GOLGA8B: variants seen among roughly 807,000 people sequenced by gnomAD.
The protein encoded by GOLGA8B is golgin subfamily A member 8B.
Under a neutral mutation model 15.6 loss-of-function variants are expected in GOLGA8B, and 1 was observed. The ratio of observed to expected loss-of-function variants is 0.06; its 90% CI spans 0.02 to 0.30. The LOEUF (loss-of-function observed/expected upper bound fraction) is 0.30. Among genes scored for constraint, GOLGA8B ranks in the 10% least tolerant of loss-of-function variants. The pLI is 1.00. For synonymous variants in GOLGA8B, 9 were observed against 80.3 expected, an observed-to-expected ratio of 0.11 and a Z score of 4.75; for missense variants, 17 against 201.3, an observed-to-expected ratio of 0.08 and a Z score of 5.54.
At chr15:34,571,615 T>TAA (rs541199491) in intron 1 of GOLGA8B, among the ~76,000 whole-genome samples, 5 of 123,082 alleles carry the variant, frequency 4.1e-5, no homozygotes, top group African/African-American at 6.1e-5. Flanking sequence ...TGGAATCGTA[T>TAA]AAAAAAAAAA....
intron 6 of GOLGA8B, among the ~76,000 whole-genome samples, 158 bp downstream of exon 6, chr15:34,545,220 T>C (rs1270333999): frequency 2.7e-5 from 3 of 112,808 alleles, no homozygotes; most frequent in Non-Finnish European, 5.2e-5. Context: ...CCAAGTACAG[T>C]GTCATTTTAC....
chr15:34,549,948 AT>A (rs536209110), intron 4 of GOLGA8B, among the ~76,000 whole-genome samples: 790 of 35,924 alleles, frequency 0.022, 103 homozygotes, highest in African/African-American at 0.097. Flanking sequence ...GTACAGTAAC[AT>A]TATTTCAAAT....
At chr15:34,573,922 G>T (rs1325394807) in intron 1 of GOLGA8B, among the ~76,000 whole-genome samples, 1 of 151,194 alleles carries the variant, frequency 6.6e-6, no homozygotes, top group Admixed American at 6.6e-5. Context: ...ACTGGGGGAG[G>T]GCTTGGTTTC....
chr15:34,556,914 A>G (rs1233758900), intron 1 of GOLGA8B: 28 of 896,404 alleles, frequency 3.1e-5, no homozygotes, highest in African/African-American at 2.3e-4. Context: ...GGAGGTGGGC[A>G]GTACTGGGTG....
At chr15:34,549,246 T>G (rs984492044) in intron 4 of GOLGA8B, among the ~76,000 whole-genome samples, 2 of 98,346 alleles carry the variant, frequency 2.0e-5, no homozygotes, top group African/African-American at 6.9e-5. Flanking sequence ...AAATGAAGCA[T>G]TATGAAGTTT....
At chr15:34,563,961 G>A (rs1888688961) in intron 1 of GOLGA8B, among the ~76,000 whole-genome samples, 1 of 136,990 alleles carries the variant, frequency 7.3e-6, no homozygotes, top group Non-Finnish European at 1.7e-5. Flanking sequence ...CGTACCAATG[G>A]TATGCAGGGC....
At chr15:34,574,330 A>T (rs1354740164) in intron 1 of GOLGA8B, among the ~76,000 whole-genome samples, 2 of 150,146 alleles carry the variant, frequency 1.3e-5, no homozygotes, top group Non-Finnish European at 3.0e-5. Flanking sequence ...GAGAGAGAGA[A>T]GTTCTCGCTC....
intron 1 of GOLGA8B, 46 bp downstream of exon 1, chr15:34,583,470 G>A (rs908568643): frequency 2.0e-5 from 3 of 151,460 alleles, no homozygotes; most frequent in Non-Finnish European, 4.4e-5. Context: ...GGCGGCCCCA[G>A]GTTGCCGCCG....
chr15:34,582,928 C>T (rs1304758931), intron 1 of GOLGA8B: 3 of 152,288 alleles, frequency 2.0e-5, no homozygotes, highest in Non-Finnish European at 4.4e-5. Flanking sequence ...CGGCGTGCCT[C>T]CAACCCGGCG....
At chr15:34,566,449 T>C (rs1234562078) in intron 1 of GOLGA8B, 2 of 143,630 alleles carry the variant, frequency 1.4e-5, no homozygotes, top group African/African-American at 5.0e-5. Context: ...TCCCAGAAGT[T>C]TTCCTCCATC....
chr15:34,569,942 G>A (rs1333785149), intron 1 of GOLGA8B, among the ~76,000 whole-genome samples: 1 of 152,130 alleles, frequency 6.6e-6, no homozygotes. Flanking sequence ...TTGGTGGCAC[G>A]GGCAGCATCT....
intron 1 of GOLGA8B, among the ~76,000 whole-genome samples, chr15:34,557,713 G>T: frequency 1.1e-5 from 1 of 93,282 alleles, no homozygotes; most frequent in East Asian, 2.7e-4. Context: ...GTTTGGAATG[G>T]AAATCATATT....
chr15:34,580,140 T>A (rs74194262), intron 1 of GOLGA8B, among the ~76,000 whole-genome samples: 130 of 149,094 alleles, frequency 8.7e-4, no homozygotes, highest in Middle Eastern at 3.5e-3. Flanking sequence ...GACCAAGGGA[T>A]AAGACGAAAG....
chr15:34,572,907 T>C (rs965865736), intron 1 of GOLGA8B, among the ~76,000 whole-genome samples: 1 of 152,172 alleles, frequency 6.6e-6, no homozygotes. Flanking sequence ...AATGGCAGCT[T>C]TCTTCTCCAG....
In GOLGA8B at chr15:34,526,977, C is replaced by G. The variant is rs1435617214; in HGVS notation, c.*655G>C. 3 of 161,438 alleles carry G rather than the reference C, an allele frequency of 1.9e-5. No individual in the cohort carries two copies. The highest frequency in any genetic ancestry group is 4.0e-5 in the Non-Finnish European group (3 of 75,470). The allele number at this position is 161,438 out of a possible 1,614,324, so 10.0% of individuals were successfully genotyped here. On this transcript the variant is annotated 3_prime_UTR_variant, in exon 24 of 24. Transcript: ENST00000683415. The stretch of plus-strand genomic sequence containing the variant: ...TGTATCCTGCACATACCTGCCAGAG[C>G]AGGCCACTTTCCTCTTCTGCGAGAT...
intron 1 of GOLGA8B, among the ~76,000 whole-genome samples, chr15:34,568,043 C>T (rs992488367): frequency 2.8e-4 from 42 of 150,716 alleles, no homozygotes; most frequent in Non-Finnish European, 4.7e-4. Flanking sequence ...CACCAATTCC[C>T]GGGTGTCAGA....
chr15:34,556,934 T>C, intron 1 of GOLGA8B: 1 of 713,998 alleles, frequency 1.4e-6, no homozygotes, highest in Admixed American at 2.8e-5. Context: ...GCCTTACAGT[T>C]CTAATGGTGG....
intron 1 of GOLGA8B, chr15:34,581,547 A>G (rs1889235401): frequency 6.6e-6 from 1 of 151,822 alleles, no homozygotes. Context: ...CATCCCCACC[A>G]ATTATTCCTG....
At chr15:34,564,776 G>C (rs1400472506) in intron 1 of GOLGA8B, among the ~76,000 whole-genome samples, 1 of 143,854 alleles carries the variant, frequency 7.0e-6, no homozygotes, top group Non-Finnish European at 1.6e-5. Flanking sequence ...AGCTGGCAAG[G>C]CTAAATTATA....
Sources: gnomAD v4.1 joint callset for allele counts (sites outside exome capture counted in the v4.1 genomes callset) on GRCh38, gnomAD v4.1.1 for gene constraint, MANE v1.5 for transcripts, NCBI Gene and HGNC (gene_info 2026-07-23, HGNC 2026-07-21) for gene names.